Variants in ARHGAP39 observed in about 807,000 individuals in gnomAD.
ARHGAP39 encodes the protein rho GTPase-activating protein 39.
A neutral mutation model predicts 106.9 loss-of-function variants in ARHGAP39; 44 were observed. That is an observed-to-expected ratio of 0.41 (90% CI 0.32 to 0.53). The LOEUF is 0.53. Among genes scored for constraint, ARHGAP39 ranks in the 20% least tolerant of loss-of-function variants. ARHGAP39 has a pLI of 0.21. For synonymous variants in ARHGAP39, 768 were observed against 693.2 expected, an observed-to-expected ratio of 1.11 and a Z score of -1.69; for missense variants, 1,496 against 1,577.3, an observed-to-expected ratio of 0.95 and a Z score of 0.87.
At position 144,529,631 on chromosome 8, in the gene ARHGAP39, G is replaced by A. The variant is rs1310330718; in HGVS notation, c.*791C>T. 1 of 152,234 alleles carries A rather than the reference G, an allele frequency of 6.6e-6. No individual in the cohort carries two copies. 9.4% of individuals were successfully genotyped at this position (152,234 alleles called of 1,614,324 possible). Reference sequence around the variant, plus strand: ...GCACGGAGGACGGGGACGGCTCAGAGATAAATAGCATTTAGGTTAAAACTA... The same window carrying A: ...GCACGGAGGACGGGGACGGCTCAGAAATAAATAGCATTTAGGTTAAAACTA... On this transcript the variant is annotated 3_prime_UTR_variant, in exon 12 of 12. Coordinates refer to ENST00000377307, the MANE Select transcript of ARHGAP39 (RefSeq NM_025251.3).
intron 6 of ARHGAP39, among the ~76,000 whole-genome samples, chr8:144,539,193 G>A (rs1002158017): frequency 6.6e-6 from 1 of 152,188 alleles, no homozygotes; most frequent in African/African-American, 2.4e-5. Context: ...CTGACAGAAT[G>A]AGGAAGCCCC....
chr8:144,555,775 T>C (rs1187314459), intron 3 of ARHGAP39, 132 bp from the exon 4 acceptor site: 6 of 767,256 alleles, frequency 7.8e-6, no homozygotes, highest in Non-Finnish European at 1.3e-5. Context: ...GCCCCCAGGC[T>C]GTATTCTTCA....
chr8:144,623,023 A>G (rs1820844087), intron 1 of ARHGAP39, among the ~76,000 whole-genome samples: 1 of 152,268 alleles, frequency 6.6e-6, no homozygotes, highest in African/African-American at 2.4e-5. Flanking sequence ...CAGGACCCAC[A>G]GAAACACAAT....
chr8:144,590,882 C>G (rs1819367178), intron 2 of ARHGAP39, among the ~76,000 whole-genome samples: 1 of 151,888 alleles, frequency 6.6e-6, no homozygotes, highest in Non-Finnish European at 1.5e-5. Context: ...TGGGGTCCAG[C>G]CAGAGGGTGA....
At chr8:144,598,874 A>G (rs1819732078) in intron 2 of ARHGAP39, among the ~76,000 whole-genome samples, 2 of 152,378 alleles carry the variant, frequency 1.3e-5, no homozygotes, top group East Asian at 1.9e-4. Context: ...AACATTTACA[A>G]TAAGAGCTCA....
chr8:144,534,061 CT>C (rs1816849653), intron 8 of ARHGAP39, 67 bp downstream of exon 8: 1 of 1,566,930 alleles, frequency 6.4e-7, no homozygotes, highest in Non-Finnish European at 8.7e-7. Context: ...GGCGGGGCTC[CT>C]GGGGCTGTCC....
chr8:144,617,731 GT>G (rs1214920643), intron 1 of ARHGAP39, among the ~76,000 whole-genome samples: 3 of 152,186 alleles, frequency 2.0e-5, no homozygotes, highest in African/African-American at 7.2e-5. Context: ...TTTCTGTATA[GT>G]TTTATGTTTT....
intron 1 of ARHGAP39, among the ~76,000 whole-genome samples, chr8:144,657,644 T>C (rs2129671776): frequency 6.6e-6 from 1 of 152,296 alleles, no homozygotes; most frequent in Non-Finnish European, 1.5e-5. Context: ...CACAATCATA[T>C]CCAAGTGGAG....
intron 3 of ARHGAP39, 88 bp downstream of exon 3, chr8:144,580,758 G>C: frequency 2.2e-5 from 4 of 185,574 alleles, no homozygotes; most frequent in South Asian, 1.1e-4. Context: ...CTCTCACCTG[G>C]CCCCGCCCAC....
intron 3 of ARHGAP39, among the ~76,000 whole-genome samples, chr8:144,567,427 T>A (rs963856702): frequency 2.0e-5 from 3 of 152,202 alleles, no homozygotes; most frequent in African/African-American, 7.2e-5. Flanking sequence ...AAGCGGACCG[T>A]GGTCTAGCAG....
chr8:144,694,746 T>C, the ARHGAP39 span, among the ~76,000 whole-genome samples: 1 of 152,178 alleles, frequency 6.6e-6, no homozygotes, highest in Non-Finnish European at 1.5e-5. Context: ...TGGAATCTTA[T>C]GATAACATTT....
chr8:144,676,958 C>T (rs1822259009), intron 1 of ARHGAP39, among the ~76,000 whole-genome samples: 1 of 152,376 alleles, frequency 6.6e-6, no homozygotes, highest in Non-Finnish European at 1.5e-5. Context: ...TTAGTATAGA[C>T]AGGGTTTCAC....
intron 1 of ARHGAP39, among the ~76,000 whole-genome samples, chr8:144,619,889 T>C (rs1820747538): frequency 6.8e-6 from 1 of 147,176 alleles, no homozygotes; most frequent in Non-Finnish European, 1.5e-5. Context: ...TGAGTGAGCC[T>C]GTACATCCCT....
intron 2 of ARHGAP39, among the ~76,000 whole-genome samples, chr8:144,594,918 T>G (rs941222809): frequency 1.3e-5 from 2 of 152,074 alleles, no homozygotes; most frequent in African/African-American, 2.4e-5. Context: ...GTGTGGTGGC[T>G]GTAATCTCGG....
chr8:144,641,000 T>A (rs1040445418), intron 1 of ARHGAP39, among the ~76,000 whole-genome samples: 1 of 152,336 alleles, frequency 6.6e-6, no homozygotes, highest in East Asian at 1.9e-4. Flanking sequence ...TTCATCTATA[T>A]AGACATTACT....
chr8:144,680,779 CATA>C (rs1384806689), intron 1 of ARHGAP39, among the ~76,000 whole-genome samples: 5 of 152,146 alleles, frequency 3.3e-5, no homozygotes, highest in Non-Finnish European at 7.4e-5. Context: ...CCCAATGGAT[CATA>C]ATAGCGGCCA....
rs575084388 is a variant in ARHGAP39 at position 144,592,000 on chromosome 8, T to A, written c.81-10723A>T. Among the ~76,000 whole-genome samples, 52 of 152,260 alleles carry A rather than the reference T, an allele frequency of 3.4e-4. No homozygotes were observed. The highest frequency in any genetic ancestry group is 1.2e-3 in the African/African-American group (49 of 41,534). Reference sequence around the variant, plus strand: ...AGATTTTAGCAGAACAAAGTTGAGATACTCCCAAAATAGTTTTTCTGAGTA... The same window carrying A: ...AGATTTTAGCAGAACAAAGTTGAGAAACTCCCAAAATAGTTTTTCTGAGTA... On this transcript the variant is annotated intron_variant, in intron 2 of 11. Coordinates refer to ENST00000377307, the MANE Select transcript of ARHGAP39 (RefSeq NM_025251.3). The surrounding 1 kb of genome is among the most constrained non-coding windows in gnomAD (Gnocchi z 5.3).
intron 3 of ARHGAP39, among the ~76,000 whole-genome samples, chr8:144,567,550 C>T (rs570491939): frequency 2.6e-5 from 4 of 152,336 alleles, no homozygotes; most frequent in Non-Finnish European, 4.4e-5. Flanking sequence ...TGTGGAGGGC[C>T]TGACATCAGT....
rs149415890 is a variant in ARHGAP39, at chr8:144,545,222, G to A, written c.2521+27C>T. The A allele has an allele frequency of 2.7e-6, 4 of 1,484,532 alleles. No individual in the cohort carries two copies. In the East Asian group the frequency reaches 9.4e-5, roughly 35 times the overall value. The allele number at this position is 1,484,532 out of a possible 1,614,324, so 92.0% of individuals were successfully genotyped here. ...CCTCTCCACTGCCCTTACCTGAGCT[G>A]GTGGCAAAGCCCGTGCATGGCCTTA... On this transcript the variant is annotated intron_variant, in intron 6 of 11. Transcript: ENST00000377307.
Sources: gnomAD v4.1 joint callset for allele counts (sites outside exome capture counted in the v4.1 genomes callset) on GRCh38, gnomAD v4.1.1 for gene constraint, Gnocchi (gnomAD v3.1) non-coding constraint, MANE v1.5 for transcripts, NCBI Gene and HGNC (gene_info 2026-07-23, HGNC 2026-07-21) for gene names.